RPS6KC1: variants seen among roughly 807,000 people sequenced by gnomAD.
RPS6KC1 encodes ribosomal protein S6 kinase C1.
RPS6KC1 carries 54 observed loss-of-function variants against 103.8 expected under a neutral mutation model. The observed-to-expected ratio is 0.52, with a 90% CI of 0.42 to 0.65. The LOEUF (loss-of-function observed/expected upper bound fraction) is 0.65. Ranked by LOEUF, RPS6KC1 falls within the 30% of genes least tolerant of loss-of-function variation. The pLI is 0.00. For missense variants in RPS6KC1, 1,151 were observed against 1,253.8 expected (o/e 0.92, Z 1.24); for synonymous variants, 439 against 438.7 (o/e 1.00, Z -0.01).
chr1:213,581,271 G>C, the RPS6KC1 span, among the ~76,000 whole-genome samples: 1 of 151,942 alleles, frequency 6.6e-6, no homozygotes, highest in Non-Finnish European at 1.5e-5. Context: ...TTCCCTGCCT[G>C]TCTCTCTCCC....
chr1:213,794,817 G>A, the RPS6KC1 span, among the ~76,000 whole-genome samples: 1 of 152,304 alleles, frequency 6.6e-6, no homozygotes. Flanking sequence ...TCAAGCCATA[G>A]TGACCTTTAA....
chr1:213,453,756 T>C, the RPS6KC1 span, among the ~76,000 whole-genome samples: 3 of 152,178 alleles, frequency 2.0e-5, no homozygotes, highest in Admixed American at 6.5e-5. Flanking sequence ...GGACTGAGAA[T>C]GGGAAGAAAC....
At chr1:213,301,242 G>A in the RPS6KC1 span, among the ~76,000 whole-genome samples, 1 of 152,194 alleles carries the variant, frequency 6.6e-6, no homozygotes, top group African/African-American at 2.4e-5. Flanking sequence ...GGAGAAAGCA[G>A]AGATAGCCTA....
chr1:213,408,844 C>T, the RPS6KC1 span, among the ~76,000 whole-genome samples: 1 of 152,212 alleles, frequency 6.6e-6, no homozygotes, highest in East Asian at 1.9e-4. Context: ...ATATTCTGCA[C>T]TGTGCCATAT....
chr1:213,814,231 A>G, the RPS6KC1 span, among the ~76,000 whole-genome samples: 2 of 152,216 alleles, frequency 1.3e-5, no homozygotes, highest in East Asian at 3.8e-4. Flanking sequence ...TTCCGTGTCT[A>G]CAACTCCAGG....
the RPS6KC1 span, among the ~76,000 whole-genome samples, chr1:213,784,719 C>A: frequency 6.6e-6 from 1 of 152,172 alleles, no homozygotes; most frequent in South Asian, 2.1e-4. Flanking sequence ...CTGGATGGCG[C>A]TTTTCACTAT....
the RPS6KC1 span, among the ~76,000 whole-genome samples, chr1:213,662,952 G>T: frequency 6.6e-6 from 1 of 152,194 alleles, no homozygotes. Flanking sequence ...TCCGAGAAGT[G>T]TTCCCTGAAT....
At chr1:213,452,602 A>C in the RPS6KC1 span, among the ~76,000 whole-genome samples, 1 of 152,196 alleles carries the variant, frequency 6.6e-6, no homozygotes, top group Admixed American at 6.5e-5. Context: ...GTACAGAATT[A>C]GTTTCTCATG....
the RPS6KC1 span, among the ~76,000 whole-genome samples, chr1:213,341,886 G>A: frequency 6.6e-5 from 10 of 152,160 alleles, no homozygotes; most frequent in African/African-American, 2.4e-4. Flanking sequence ...GGCAATCATC[G>A]TATCTACTTC....
At chr1:213,426,560 G>T in the RPS6KC1 span, among the ~76,000 whole-genome samples, 1 of 152,128 alleles carries the variant, frequency 6.6e-6, no homozygotes, top group Admixed American at 6.5e-5. Flanking sequence ...GAGACCAACT[G>T]GACACATATG....
the RPS6KC1 span, among the ~76,000 whole-genome samples, chr1:213,791,993 G>A: frequency 2.5e-4 from 38 of 152,296 alleles, no homozygotes; most frequent in Middle Eastern, 3.4e-3. Flanking sequence ...CATTTTGATG[G>A]ACCTATGAGA....
At chr1:213,159,110 T>C (rs1047351972) in intron 6 of RPS6KC1, among the ~76,000 whole-genome samples, 1 of 152,114 alleles carries the variant, frequency 6.6e-6, no homozygotes, top group African/African-American at 2.4e-5. Flanking sequence ...ATGGATTTTG[T>C]ATCATTAAAA....
chr1:213,124,120 A>G (rs1361023372), intron 5 of RPS6KC1, among the ~76,000 whole-genome samples: 1 of 152,166 alleles, frequency 6.6e-6, no homozygotes, highest in Non-Finnish European at 1.5e-5. Flanking sequence ...CTTTTTAACA[A>G]GTCACCTGGG....
chr1:213,660,742 C>T, the RPS6KC1 span, among the ~76,000 whole-genome samples: 2 of 148,682 alleles, frequency 1.3e-5, no homozygotes, highest in Non-Finnish European at 3.0e-5. Context: ...AATCTTACAA[C>T]AAAACTGTGC....
intron 12 of RPS6KC1, among the ~76,000 whole-genome samples, chr1:213,247,832 A>G (rs1269581419): frequency 6.6e-6 from 1 of 152,148 alleles, no homozygotes; most frequent in African/African-American, 2.4e-5. Context: ...GTAAATATTG[A>G]TTTCTTATCT....
the RPS6KC1 span, among the ~76,000 whole-genome samples, chr1:213,284,700 A>G: frequency 1.3e-5 from 2 of 152,156 alleles, no homozygotes. Context: ...GAACTGAACT[A>G]ATAAAAACTA....
intron 6 of RPS6KC1, among the ~76,000 whole-genome samples, chr1:213,162,424 GT>G (rs1181157378): frequency 2.6e-5 from 4 of 151,948 alleles, no homozygotes; most frequent in Non-Finnish European, 5.9e-5. Context: ...GGGACTACAG[GT>G]GTGTACCACC....
At chr1:213,397,718 CA>C in the RPS6KC1 span, among the ~76,000 whole-genome samples, 3 of 151,916 alleles carry the variant, frequency 2.0e-5, no homozygotes, top group African/African-American at 7.3e-5. Context: ...AGAAGAAACC[CA>C]AAAGACATTT....
chr1:213,327,244 G>GAAAGAAAGAAAT, the RPS6KC1 span, among the ~76,000 whole-genome samples: 11 of 151,190 alleles, frequency 7.3e-5, no homozygotes, highest in Non-Finnish European at 1.5e-4. Flanking sequence ...AGAAAAGAAA[G>GAAAGAAAGAAAT]AAAGAAAGAA....
Sources: gnomAD v4.1 joint callset for allele counts (sites outside exome capture counted in the v4.1 genomes callset) on GRCh38, gnomAD v4.1.1 for gene constraint, MANE v1.5 for transcripts, NCBI Gene and HGNC (gene_info 2026-07-23, HGNC 2026-07-21) for gene names.